Variants in NRDE2 observed in about 807,000 individuals in gnomAD.
NRDE2 encodes the protein NRDE-2, necessary for RNA interference, domain containing, also known as nuclear exosome regulator NRDE2.
NRDE2 carries 76 observed loss-of-function variants against 124.2 expected under a neutral mutation model. The observed-to-expected ratio is 0.61, with a 90% CI of 0.51 to 0.74. The LOEUF is 0.74. Ranked by LOEUF, NRDE2 falls within the 30% of genes least tolerant of loss-of-function variation. The pLI is 0.00. For synonymous variants in NRDE2, 489 were observed against 528.1 expected (o/e 0.93, Z 1.01); for missense variants, 1,314 against 1,417.3 (o/e 0.93, Z 1.17).
chr14:90,315,976 A>AAG (rs1555361785), intron 3 of NRDE2, among the ~76,000 whole-genome samples: 2 of 151,436 alleles, frequency 1.3e-5, no homozygotes, highest in Non-Finnish European at 2.9e-5. Flanking sequence ...AAAAAAAAAA[A>AAG]AAAGAAAGAA....
intron 12 of NRDE2, 123 bp downstream of exon 12, chr14:90,286,231 A>T: frequency 9.4e-7 from 1 of 1,060,898 alleles, no homozygotes; most frequent in Non-Finnish European, 1.3e-6. Flanking sequence ...AGAAGATGAG[A>T]GTGAAATATG....
intron 12 of NRDE2, chr14:90,280,386 C>T (rs1031558071): frequency 1.3e-5 from 2 of 152,228 alleles, no homozygotes; most frequent in African/African-American, 4.8e-5. Flanking sequence ...GTGGAAGCCT[C>T]CAGTTCTGAG....
intron 12 of NRDE2, 160 bp from the exon 13 acceptor site, chr14:90,279,293 G>A: frequency 1.6e-6 from 1 of 623,562 alleles, no homozygotes. Context: ...AGGGGCAGGT[G>A]CCAGGGAGCA....
chr14:90,328,303 C>T (rs1222148130), intron 1 of NRDE2, among the ~76,000 whole-genome samples: 2 of 78,852 alleles, frequency 2.5e-5, no homozygotes, highest in Non-Finnish European at 5.2e-5. Flanking sequence ...GACTCTGTCT[C>T]CAAAAAAAAA....
At chr14:90,310,890 A>T (rs1033533599) in intron 4 of NRDE2, among the ~76,000 whole-genome samples, 4 of 152,258 alleles carry the variant, frequency 2.6e-5, no homozygotes, top group Admixed American at 6.5e-5. Flanking sequence ...CTCAAGGAGC[A>T]TTAAGATAAC....
rs557971798 is a variant in NRDE2 at position 90,302,190 on chromosome 14, C to G, written c.1411+530G>C. Among the ~76,000 whole-genome samples, 13 of 152,232 alleles carry G rather than the reference C, an allele frequency of 8.5e-5. No individual in the cohort carries two copies. The South Asian group carries it at 2.7e-3, about 32-fold the overall frequency. ...CACAAGAGAGCCAGTGAAGGGCAAA[C>G]CCTTCAGGATTCAAGGTCAAAAGTG... On this transcript the variant is annotated intron_variant, in intron 6 of 13. Coordinates refer to ENST00000354366, the MANE Select transcript of NRDE2 (RefSeq NM_017970.4).
rs1298636702 is a variant in NRDE2, at chr14:90,273,635, C to T, written c.*4701G>A. Reference sequence around the variant, plus strand: ...GTCAGAAGTCCAACACGAGTGTCTCCAGGCTAAAGTCTTGCTGTTGGCAGG... The same window carrying T: ...GTCAGAAGTCCAACACGAGTGTCTCTAGGCTAAAGTCTTGCTGTTGGCAGG... On this transcript the variant is annotated 3_prime_UTR_variant, in exon 14 of 14. Transcript: ENST00000354366. 2 of 152,492 alleles carry T rather than the reference C, an allele frequency of 1.3e-5. No individual in the cohort carries two copies. The highest frequency in any genetic ancestry group is 2.9e-5 in the Non-Finnish European group (2 of 68,214). The allele number at this position is 152,492 out of a possible 1,614,324, so 9.4% of individuals were successfully genotyped here.
rs766846805 is a variant in NRDE2, at chr14:90,288,920, C to G, written c.2455G>C (p.Asp819His). 2.0e-5 allele frequency: 33 copies of G among 1,613,210 alleles called. No individual in the cohort carries two copies. Among genetic ancestry groups the G allele is most frequent in the African/African-American group, 4.0e-5 (3 of 74,948 alleles). Residue 819 changes from aspartate to histidine, a missense_variant, in exon 11 of 14, where the codon GAC becomes CAC. Transcript: ENST00000354366. ...MAGSRELKDS[D>H]LCELSLLYAE... ...TAGAGCAGACTGAGCTCACAGAGGT[C>G]AGAGTCTTTCAGTTCTCTGCTTCCT...
chr14:90,328,332 T>C (rs1201445730), intron 1 of NRDE2, among the ~76,000 whole-genome samples: 1 of 150,178 alleles, frequency 6.7e-6, no homozygotes, highest in Non-Finnish European at 1.5e-5. Flanking sequence ...AAGAAAAAAG[T>C]ATTTATCCTG....
intron 1 of NRDE2, among the ~76,000 whole-genome samples, chr14:90,328,554 T>C (rs1410669227): frequency 1.3e-5 from 2 of 152,134 alleles, no homozygotes; most frequent in East Asian, 1.9e-4. Context: ...ATGAAACAGG[T>C]TGCAAACACA....
intron 4 of NRDE2, among the ~76,000 whole-genome samples, chr14:90,307,891 G>C (rs1884674016): frequency 6.6e-6 from 1 of 152,128 alleles, no homozygotes; most frequent in African/African-American, 2.4e-5. Flanking sequence ...GAATAGCTGG[G>C]ACTTCAGGCA....
intron 9 of NRDE2, among the ~76,000 whole-genome samples, chr14:90,291,590 C>T (rs904335843): frequency 4.0e-5 from 6 of 151,852 alleles, no homozygotes; most frequent in Non-Finnish European, 8.8e-5. Flanking sequence ...CTTCTGCAGA[C>T]ATTCAGCTTC....
At chr14:90,307,840 A>T (rs898887915) in intron 4 of NRDE2, among the ~76,000 whole-genome samples, 2 of 152,246 alleles carry the variant, frequency 1.3e-5, no homozygotes, top group Non-Finnish European at 2.9e-5. Context: ...AGCTCACTGC[A>T]GCCTCAAAAT....
At chr14:90,281,779 C>T (rs1409124629) in intron 12 of NRDE2, among the ~76,000 whole-genome samples, 1 of 152,134 alleles carries the variant, frequency 6.6e-6, no homozygotes, top group Non-Finnish European at 1.5e-5. Flanking sequence ...AAAACATAAC[C>T]AACCTTGTCC....
intron 4 of NRDE2, among the ~76,000 whole-genome samples, chr14:90,309,310 G>GA (rs142179497): frequency 0.011 from 1,629 of 142,494 alleles, 14 homozygotes; most frequent in African/African-American, 0.015. Context: ...TGGCATACGG[G>GA]AAAAAAAAAA....
In NRDE2 at chr14:90,273,980, ATCT is replaced by A. The variant is rs34512486; in HGVS notation, c.*4353_*4355del. On this transcript the variant is annotated 3_prime_UTR_variant, in exon 14 of 14. Transcript: ENST00000354366. Reference sequence around the variant, plus strand: ...TAATTTCCCTGTTTTAAAGTTTACAATCTTCTTAATTTTTATCTGCAAAGTTCC... The same window carrying A: ...TAATTTCCCTGTTTTAAAGTTTACAATCTTAATTTTTATCTGCAAAGTTCC... 0.34 allele frequency: 52,846 copies of A among 154,636 alleles called. 9,781 individuals carry two copies. The highest frequency in any genetic ancestry group is 0.51 in the East Asian group (2,637 of 5,146). The allele number at this position is 154,636 out of a possible 1,614,324, so 9.6% of individuals were successfully genotyped here.
chr14:90,315,069 T>C (rs886686527), intron 3 of NRDE2, among the ~76,000 whole-genome samples: 3 of 149,500 alleles, frequency 2.0e-5, no homozygotes, highest in Non-Finnish European at 4.4e-5. Flanking sequence ...CCTAGCTACT[T>C]GGGAGGCTGA....
At chr14:90,319,729 T>C (rs72699177) in intron 1 of NRDE2, among the ~76,000 whole-genome samples, 113 of 152,364 alleles carry the variant, frequency 7.4e-4, no homozygotes, top group Non-Finnish European at 1.5e-3. Flanking sequence ...TGTCCATTAG[T>C]TGATGAACAC....
rs761635972 is a variant in NRDE2, at chr14:90,302,760, T to G, written c.1371A>C (p.Leu457Phe). Residue 457 changes from leucine to phenylalanine, a missense_variant, in exon 6 of 14, where the codon TTA (leucine) becomes TTC (phenylalanine). Coordinates refer to ENST00000354366, the MANE Select transcript of NRDE2 (RefSeq NM_017970.4). ...TLSAVKDGSI[L>F]SHPALPGTEE... ...CCGTGCCAGGCAACGCAGGGTGAGA[T>G]AAGATGCTGCCGTCCTTAACAGCAG... The G allele has an allele frequency of 6.2e-7, 1 of 1,613,806 alleles. No homozygotes were observed. The highest frequency in any genetic ancestry group is 1.1e-5 in the South Asian group (1 of 91,056).
Sources: gnomAD v4.1 joint callset for allele counts (sites outside exome capture counted in the v4.1 genomes callset) on GRCh38, gnomAD v4.1.1 for gene constraint, MANE v1.5 for transcripts, NCBI Gene and HGNC (gene_info 2026-07-23, HGNC 2026-07-21) for gene names.